The following RAMP1 variants were observed in gnomAD, a reference collection of about 807,000 sequenced individuals.
The protein encoded by RAMP1 is receptor activity modifying protein 1.
Under a neutral mutation model 8.2 loss-of-function variants are expected in RAMP1, and 7 were observed. That is an observed-to-expected ratio of 0.85 (90% CI 0.49 to 1.60). RAMP1 has a LOEUF of 1.60. Ranked by LOEUF, RAMP1 falls within the 40% of genes most tolerant of loss-of-function variation. RAMP1 has a pLI of 0.00. For synonymous variants in RAMP1, 92 were observed against 84.7 expected, an observed-to-expected ratio of 1.09 and a Z score of -0.47; for missense variants, 192 against 202.4, an observed-to-expected ratio of 0.95 and a Z score of 0.31.
chr2:237,879,809 G>A (rs1319447545), intron 2 of RAMP1, among the ~76,000 whole-genome samples: 1 of 149,906 alleles, frequency 6.7e-6, no homozygotes, highest in Non-Finnish European at 1.5e-5. Flanking sequence ...AGCCAACATG[G>A]TGAAACCCCA....
intron 1 of RAMP1, chr2:237,859,941 C>T: frequency 2.2e-6 from 1 of 460,974 alleles, no homozygotes; most frequent in Non-Finnish European, 3.8e-6. Context: ...CGGTGTTGCG[C>T]TTCTCGCCGG....
At chr2:237,888,799 T>G (rs2062461023) in intron 2 of RAMP1, among the ~76,000 whole-genome samples, 1 of 152,048 alleles carries the variant, frequency 6.6e-6, no homozygotes, top group African/African-American at 2.4e-5. Flanking sequence ...TGAGACGGAG[T>G]CTCCCTCTCT....
At chr2:237,861,840 A>AAAC (rs1478910749) in intron 1 of RAMP1, among the ~76,000 whole-genome samples, 2 of 145,442 alleles carry the variant, frequency 1.4e-5, no homozygotes, top group Non-Finnish European at 3.0e-5. Flanking sequence ...GATAAGAGTG[A>AAAC]AACTCCGTCT....
chr2:237,909,682 G>A lies in RAMP1; in HGVS notation c.192-1846G>A, dbSNP rs1212673362. Reference sequence around the variant, plus strand: ...AGAGGCACTTGACACCCACGTCCTGGGTTGGAAGATGACACAGAAAAGCAC... The same window carrying A: ...AGAGGCACTTGACACCCACGTCCTGAGTTGGAAGATGACACAGAAAAGCAC... On this transcript the variant is annotated intron_variant, in intron 2 of 2. Coordinates refer to ENST00000254661, the MANE Select transcript of RAMP1 (RefSeq NM_005855.4). Among the ~76,000 whole-genome samples, 4 of 152,258 alleles carry A rather than the reference G, an allele frequency of 2.6e-5. No individual in the cohort carries two copies. The East Asian group carries it at 7.7e-4, about 29-fold the overall frequency.
chr2:237,886,068 G>C (rs974639520), intron 2 of RAMP1, among the ~76,000 whole-genome samples: 2 of 152,176 alleles, frequency 1.3e-5, no homozygotes, highest in Non-Finnish European at 2.9e-5. Context: ...CACCAGTCTG[G>C]CTCCCCTGAG....
At chr2:237,904,344 A>G (rs1409110542) in intron 2 of RAMP1, among the ~76,000 whole-genome samples, 1 of 152,044 alleles carries the variant, frequency 6.6e-6, no homozygotes, top group Non-Finnish European at 1.5e-5. Flanking sequence ...GCATGAACCC[A>G]GGAAGTGGGG....
intron 2 of RAMP1, among the ~76,000 whole-genome samples, chr2:237,889,344 T>C (rs557254802): frequency 3.3e-5 from 5 of 152,350 alleles, no homozygotes; most frequent in Admixed American, 2.0e-4. Context: ...TGAAATGATA[T>C]GTATCTTCTT....
chr2:237,869,321 A>G (rs1359152950), intron 1 of RAMP1, among the ~76,000 whole-genome samples: 1 of 152,226 alleles, frequency 6.6e-6, no homozygotes, highest in Non-Finnish European at 1.5e-5. Context: ...CCTATTTTTA[A>G]GTGTACAGTT....
intron 1 of RAMP1, among the ~76,000 whole-genome samples, chr2:237,861,898 A>G (rs932579011): frequency 6.6e-6 from 1 of 151,910 alleles, no homozygotes; most frequent in Non-Finnish European, 1.5e-5. Context: ...TTTCCCTCTG[A>G]GCATCCTGTG....
chr2:237,877,267 C>T lies in RAMP1; in HGVS notation c.96C>T (p.Tyr32=), dbSNP rs144179532. Residue 32 remains tyrosine, a synonymous_variant, in exon 2 of 3, where the codon TAC becomes TAT. Transcript: ENST00000254661. This position sits in a 1 kb window ranked among gnomAD's most constrained non-coding sequence, Gnocchi z 4.4. ...CCACTGCCTGCCAGGAGGCTAACTA[C>T]GGTGCCCTCCTCCGGGAGCTCTGCC... ...FMTTACQEAN[Y]GALLRELCLT... is the part of the protein sequence containing the mutation. The T allele has an allele frequency of 3.2e-5, 51 of 1,613,938 alleles. No individual in the cohort carries two copies. The highest frequency in any genetic ancestry group is 1.6e-4 in the Middle Eastern group (1 of 6,084).
chr2:237,866,315 G>A (rs1013877284), intron 1 of RAMP1, among the ~76,000 whole-genome samples: 5 of 151,984 alleles, frequency 3.3e-5, no homozygotes, highest in African/African-American at 1.2e-4. Flanking sequence ...CCTCTTCTGT[G>A]TGTTTCTTTT....
chr2:237,879,681 T>A (rs1418943162), intron 2 of RAMP1, among the ~76,000 whole-genome samples: 1 of 116,516 alleles, frequency 8.6e-6, no homozygotes, highest in Non-Finnish European at 1.7e-5. Flanking sequence ...GCCCTAGAAC[T>A]TAAAGTATTA....
chr2:237,907,648 T>A (rs2062667094), intron 2 of RAMP1, among the ~76,000 whole-genome samples: 1 of 152,210 alleles, frequency 6.6e-6, no homozygotes, highest in South Asian at 2.1e-4. Context: ...TTCTAGCAAC[T>A]GTCTTTGACT....
chr2:237,865,563 G>A lies in RAMP1; in HGVS notation c.52+5836G>A, dbSNP rs1197632235. Among the ~76,000 whole-genome samples, 2 of 152,200 alleles carry A rather than the reference G, an allele frequency of 1.3e-5. No homozygotes were observed. Among genetic ancestry groups the A allele is most frequent in the Non-Finnish European group, 2.9e-5 (2 of 68,028 alleles). On this transcript the variant is annotated intron_variant, in intron 1 of 2. Coordinates refer to ENST00000254661, the MANE Select transcript of RAMP1 (RefSeq NM_005855.4). This position sits in a 1 kb window ranked among gnomAD's most constrained non-coding sequence, Gnocchi z 4.2. ...GTCATTTGCTGCACCTGGCAGCCCC[G>A]TCCTCAGCAGCCACATGGGGTTCAG...
chr2:237,900,598 T>C (rs1484912966), intron 2 of RAMP1, among the ~76,000 whole-genome samples: 3 of 152,228 alleles, frequency 2.0e-5, no homozygotes, highest in Non-Finnish European at 4.4e-5. Flanking sequence ...AAATAATTTA[T>C]AACTATTAAT....
At chr2:237,902,608 A>G (rs1017236271) in intron 2 of RAMP1, among the ~76,000 whole-genome samples, 2 of 151,418 alleles carry the variant, frequency 1.3e-5, no homozygotes, top group Non-Finnish European at 2.9e-5. Flanking sequence ...GCAGGAGGCC[A>G]CTGAGACTGG....
At chr2:237,910,108 G>A (rs1006590609) in intron 2 of RAMP1, among the ~76,000 whole-genome samples, 1 of 152,058 alleles carries the variant, frequency 6.6e-6, no homozygotes, top group African/African-American at 2.4e-5. Context: ...GAGGCCCTGT[G>A]GTGAAGTCCA....
chr2:237,869,205 C>A (rs72976047), intron 1 of RAMP1, among the ~76,000 whole-genome samples: 1 of 152,108 alleles, frequency 6.6e-6, no homozygotes, highest in Admixed American at 6.5e-5. Flanking sequence ...CATATGTGAC[C>A]CTGCCAGTCA....
chr2:237,892,276 CTTTTTTTT>C lies in RAMP1; in HGVS notation c.191+14927_191+14934del, dbSNP rs201847138. ...CCATGTGTTTTTTCTTTCTTTCTTT[CTTTTTTTT>C]TTTTTTTTTTTTGAGACAAGCTGGA... On this transcript the variant is annotated intron_variant, in intron 2 of 2. Coordinates refer to ENST00000254661, the MANE Select transcript of RAMP1 (RefSeq NM_005855.4). Among the ~76,000 whole-genome samples, 43 of 134,386 alleles carry C rather than the reference CTTTTTTTT, an allele frequency of 3.2e-4. 1 individual carries two copies. The East Asian group carries it at 8.8e-3, about 27-fold the overall frequency. 88.2% of individuals were successfully genotyped at this position (134,386 alleles called of 152,430 possible). A position where few individuals can be genotyped will look rare whatever the true frequency, so the allele number is the denominator to read the frequency against.
Sources: allele counts gnomAD v4.1 joint callset (sites outside exome capture counted in the v4.1 genomes callset), GRCh38; gene constraint gnomAD v4.1.1; non-coding constraint Gnocchi (gnomAD v3.1); transcripts MANE v1.5; gene names NCBI Gene and HGNC (gene_info 2026-07-23, HGNC 2026-07-21).